The following PKHD1 variants were observed in gnomAD, a reference collection of about 807,000 sequenced individuals.
The protein encoded by PKHD1 is PKHD1 ciliary IPT domain containing fibrocystin/polyductin.
In PKHD1, 291 loss-of-function variants were observed where a neutral mutation model predicts 412.0. The observed-to-expected ratio is 0.71, with a 90% CI of 0.64 to 0.78. PKHD1 has a LOEUF of 0.78. PKHD1 is among the 30% of genes least tolerant of loss of function. The pLI is 0.00. For synonymous variants in PKHD1, 1,777 were observed against 1,821.5 expected, an observed-to-expected ratio of 0.98 and a Z score of 0.62; for missense variants, 4,825 against 4,950.7, an observed-to-expected ratio of 0.97 and a Z score of 0.76.
chr6:51,871,624 T>C (rs1283969833), intron 46 of PKHD1, among the ~76,000 whole-genome samples: 1 of 118,972 alleles, frequency 8.4e-6, no homozygotes, highest in Non-Finnish European at 2.1e-5. Context: ...GTACATGTGT[T>C]AAAGCTCATA....
chr6:51,855,274 T>C (rs1773075170), intron 49 of PKHD1, among the ~76,000 whole-genome samples: 2 of 152,240 alleles, frequency 1.3e-5, no homozygotes, highest in Non-Finnish European at 2.9e-5. Flanking sequence ...CTGGATACCT[T>C]GGTTGCCGAT....
At chr6:51,923,551 A>T (rs910505915) in intron 37 of PKHD1, among the ~76,000 whole-genome samples, 2 of 152,076 alleles carry the variant, frequency 1.3e-5, no homozygotes, top group Non-Finnish European at 2.9e-5. Context: ...ACCAAAAAAC[A>T]AGTAGGTAAA....
chr6:51,784,849 C>G (rs1792611590), intron 53 of PKHD1, among the ~76,000 whole-genome samples: 1 of 151,896 alleles, frequency 6.6e-6, no homozygotes, highest in Admixed American at 6.6e-5. Flanking sequence ...GCAGGTCTAG[C>G]TTTTTCTTGT....
intron 52 of PKHD1, among the ~76,000 whole-genome samples, chr6:51,803,685 C>T (rs1763263255): frequency 6.6e-6 from 1 of 151,434 alleles, no homozygotes; most frequent in Non-Finnish European, 1.5e-5. Flanking sequence ...ATAAATAAAA[C>T]AAGGCTCCTA....
At chr6:52,075,372 C>T (rs764931895) in intron 6 of PKHD1, among the ~76,000 whole-genome samples, 1 of 152,178 alleles carries the variant, frequency 6.6e-6, no homozygotes, top group Non-Finnish European at 1.5e-5. Context: ...TTAGACACAA[C>T]TATAATAAAA....
At chr6:52,026,535 A>G (rs1802213079) in intron 31 of PKHD1, among the ~76,000 whole-genome samples, 1 of 152,196 alleles carries the variant, frequency 6.6e-6, no homozygotes. Context: ...ATTATTGGAA[A>G]TATTATCCTG....
At chr6:51,981,330 T>G (rs1306158106) in intron 35 of PKHD1, among the ~76,000 whole-genome samples, 1 of 32,128 alleles carries the variant, frequency 3.1e-5, no homozygotes, top group Non-Finnish European at 9.0e-5. Flanking sequence ...TCCCTCTCCC[T>G]CTCCCTCTCC....
chr6:51,863,370 C>T (rs751137476), intron 48 of PKHD1, among the ~76,000 whole-genome samples: 4 of 152,124 alleles, frequency 2.6e-5, no homozygotes, highest in Non-Finnish European at 5.9e-5. Context: ...GTCAAAAATT[C>T]GAAGACAGAA....
At chr6:52,082,260 T>A (rs1812149865) in intron 4 of PKHD1, 132 bp downstream of exon 4, 1 of 897,422 alleles carries the variant, frequency 1.1e-6, no homozygotes, top group Admixed American at 1.8e-5. Flanking sequence ...CATATTCACA[T>A]GAAACTTTTT....
At chr6:52,022,460 T>C (rs1419257929) in intron 33 of PKHD1, among the ~76,000 whole-genome samples, 2 of 152,220 alleles carry the variant, frequency 1.3e-5, no homozygotes, top group Non-Finnish European at 2.9e-5. Context: ...CAAGAGCTTG[T>C]TTCCTCCATG....
At chr6:51,890,064 A>C (rs1234459284) in intron 43 of PKHD1, among the ~76,000 whole-genome samples, 1 of 152,122 alleles carries the variant, frequency 6.6e-6, no homozygotes, top group African/African-American at 2.4e-5. Context: ...CATAGTGAAA[A>C]TCTACAGAGA....
chr6:51,743,963 C>T (rs946843658), intron 60 of PKHD1, among the ~76,000 whole-genome samples: 2 of 152,152 alleles, frequency 1.3e-5, no homozygotes, highest in South Asian at 2.1e-4. Context: ...CACATGACAT[C>T]TACCCTACCA....
chr6:51,785,902 C>G (rs1792777040), intron 53 of PKHD1, among the ~76,000 whole-genome samples: 1 of 152,124 alleles, frequency 6.6e-6, no homozygotes, highest in African/African-American at 2.4e-5. Flanking sequence ...TCTGCTTGTT[C>G]TCTAGATATT....
At chr6:51,918,596 G>A (rs1784199534) in intron 37 of PKHD1, among the ~76,000 whole-genome samples, 2 of 152,128 alleles carry the variant, frequency 1.3e-5, no homozygotes, top group Non-Finnish European at 2.9e-5. Context: ...GTCTATCATT[G>A]ATGGGCATTT....
rs1226204759 is a variant in PKHD1 at position 51,619,491 on chromosome 6, C to T, written c.11815G>A (p.Val3939Met). ...DMRMKVMLGK[V>M]NQCPHQLMNG... The stretch of plus-strand genomic sequence containing the variant: ...ATCAACTGGTGGGGGCACTGGTTCA[C>T]CTTGCCCAGCATGACCTTCATTCTC... Residue 3939 changes from valine (V) to methionine (M), a missense_variant, in exon 67 of 67, where the codon GTG (valine) becomes ATG (methionine). Coordinates refer to ENST00000371117, the MANE Select transcript of PKHD1 (RefSeq NM_138694.4). The T allele has an allele frequency of 2.5e-6, 4 of 1,613,988 alleles. No homozygotes were observed. The highest frequency in any genetic ancestry group is 2.7e-5 in the African/African-American group (2 of 74,914).
intron 37 of PKHD1, among the ~76,000 whole-genome samples, chr6:51,918,147 G>A (rs575902728): frequency 6.6e-6 from 1 of 151,240 alleles, no homozygotes; most frequent in East Asian, 2.0e-4. Context: ...AAGACCTTAA[G>A]TTGTATTTGA....
rs1226757489 is a variant in PKHD1 at position 52,025,043 on chromosome 6, G to T, written c.4767C>A (p.Ser1589Arg). 6.2e-7 allele frequency: 1 copy of T among 1,614,152 alleles called. No individual in the cohort carries two copies. The highest frequency in any genetic ancestry group is 8.5e-7 in the Non-Finnish European group (1 of 1,180,020). ...FPKNFSLHGG[S>R]LLTIEGTGLR... ...GGCCTGTGCCCTCTATGGTCAAGAG[G>T]CTTCCACCATGTAAGCTGAAATTCT... The change falls in exon 32 of 67, where the codon AGC becomes AGA. Residue 1589 changes from serine to arginine, a missense_variant. Ser to Arg is a moderately radical substitution (Grantham distance 110). Coordinates refer to ENST00000371117, the MANE Select transcript of PKHD1 (RefSeq NM_138694.4).
rs1368291183 is a variant in PKHD1, at chr6:51,744,379, G to A, written c.10156+6C>T. 8 of 1,613,032 alleles carry A rather than the reference G, an allele frequency of 5.0e-6. No homozygotes were observed. The highest frequency in any genetic ancestry group is 6.8e-6 in the Non-Finnish European group (8 of 1,179,082). Reference sequence around the variant, plus strand: ...ACCACAGGCATTGCATTCAGATATAGCTTACCTGCGTTGAAGAAGGATGCA... The same window carrying A: ...ACCACAGGCATTGCATTCAGATATAACTTACCTGCGTTGAAGAAGGATGCA... On this transcript the variant is annotated splice_donor_region_variant and intron_variant, in intron 60 of 66. Coordinates refer to ENST00000371117, the MANE Select transcript of PKHD1 (RefSeq NM_138694.4).
chr6:51,964,556 A>T (rs2127968165), intron 35 of PKHD1, among the ~76,000 whole-genome samples: 1 of 152,244 alleles, frequency 6.6e-6, no homozygotes, highest in Non-Finnish European at 1.5e-5. Flanking sequence ...TAAGCTTCAC[A>T]AGAGTGTCTT....
Sources: allele counts gnomAD v4.1 joint callset (sites outside exome capture counted in the v4.1 genomes callset), GRCh38; gene constraint gnomAD v4.1.1; transcripts MANE v1.5; gene names NCBI Gene and HGNC (gene_info 2026-07-23, HGNC 2026-07-21).